Variants in FER observed in about 807,000 individuals in gnomAD.
FER encodes the protein tyrosine-protein kinase Fer.
A neutral mutation model predicts 111.0 loss-of-function variants in FER; 63 were observed. That is an observed-to-expected ratio of 0.57 (90% confidence interval 0.46 to 0.70). The LOEUF (loss-of-function observed/expected upper bound fraction) is 0.70. Among genes scored for constraint, FER ranks in the 30% least tolerant of loss-of-function variants. The pLI, the probability that FER is intolerant of heterozygous loss-of-function variation, is 0.00. For synonymous variants in FER, 327 were observed against 313.9 expected, an observed-to-expected ratio of 1.04 and a Z score of -0.44; for missense variants, 914 against 954.0, an observed-to-expected ratio of 0.96 and a Z score of 0.55.
chr5:109,107,432 G>T (rs187615606), intron 17 of FER, among the ~76,000 whole-genome samples: 2 of 152,048 alleles, frequency 1.3e-5, no homozygotes, highest in East Asian at 1.9e-4. Context: ...CATTATCCAC[G>T]TATTAAGCCT....
intron 17 of FER, among the ~76,000 whole-genome samples, chr5:109,131,774 A>G (rs1011319997): frequency 6.6e-6 from 1 of 152,106 alleles, no homozygotes; most frequent in Non-Finnish European, 1.5e-5. Flanking sequence ...AAAATAATCC[A>G]TATTTGTTTT....
chr5:109,062,291 G>A (rs1445889418), intron 16 of FER, among the ~76,000 whole-genome samples: 6 of 152,118 alleles, frequency 3.9e-5, no homozygotes, highest in Admixed American at 1.3e-4. Context: ...GGGCAGCCAA[G>A]GTGGGGTCGA....
At position 108,879,701 on chromosome 5, in the gene FER, A is replaced by ATATATATAT. The variant is rs1554084619; in HGVS notation, c.924-3695_924-3694insTATATATAT. Among the ~76,000 whole-genome samples, 399 of 99,050 alleles carry ATATATATAT rather than the reference A, an allele frequency of 4.0e-3. 4 individuals carry two copies. Among genetic ancestry groups the ATATATATAT allele is most frequent in the African/African-American group, 5.6e-3 (117 of 20,876 alleles). The allele number at this position is 99,050 out of a possible 152,430, so 65.0% of individuals were successfully genotyped here. The stretch of plus-strand genomic sequence containing the variant: ...ATGTATTTTTTTTAGATTAAAAAAA[A>ATATATATAT]ATATATATATATATATATATATATT... On this transcript the variant is annotated intron_variant, in intron 8 of 19. Coordinates refer to ENST00000281092, the MANE Select transcript of FER (RefSeq NM_005246.4).
At chr5:109,043,149 C>G (rs983873023) in intron 14 of FER, among the ~76,000 whole-genome samples, 1 of 151,696 alleles carries the variant, frequency 6.6e-6, no homozygotes, top group Non-Finnish European at 1.5e-5. Flanking sequence ...TTCTAGTAAC[C>G]GAAAAAAGTA....
intron 2 of FER, among the ~76,000 whole-genome samples, chr5:108,770,832 A>G (rs1342860988): frequency 6.6e-6 from 1 of 152,166 alleles, no homozygotes; most frequent in Non-Finnish European, 1.5e-5. Context: ...CTTAGGATTG[A>G]TATTTCAGGT....
intron 13 of FER, among the ~76,000 whole-genome samples, chr5:109,026,915 G>C (rs983463114): frequency 5.9e-5 from 9 of 152,068 alleles, no homozygotes; most frequent in Non-Finnish European, 1.3e-4. Context: ...TCCTGACCTT[G>C]TGAACTGCCC....
At chr5:108,771,189 C>T (rs1752860480) in intron 2 of FER, among the ~76,000 whole-genome samples, 1 of 152,160 alleles carries the variant, frequency 6.6e-6, no homozygotes, top group African/African-American at 2.4e-5. Context: ...CTGCCTCGGC[C>T]TCCCAAAGTG....
chr5:109,062,612 G>A (rs1178892416), intron 16 of FER, among the ~76,000 whole-genome samples: 2 of 152,016 alleles, frequency 1.3e-5, no homozygotes, highest in African/African-American at 4.8e-5. Context: ...TTTCATATAT[G>A]TGATTAAATT....
At chr5:109,058,140 CAAAATCCAGCACCCTTTCCTGATTTAAT>C (rs1561838999) in intron 16 of FER, among the ~76,000 whole-genome samples, 1 of 151,938 alleles carries the variant, frequency 6.6e-6, no homozygotes, top group East Asian at 1.9e-4. Context: ...AAACATTTGG[CAAAATCCAGCACCCTTTCCTGATTTAAT>C]AAAATTCTCT....
At chr5:109,011,477 T>C (rs1766260779) in intron 13 of FER, among the ~76,000 whole-genome samples, 1 of 152,232 alleles carries the variant, frequency 6.6e-6, no homozygotes, top group Admixed American at 6.5e-5. Flanking sequence ...ACCTCACCTC[T>C]TTTTTAAATT....
chr5:108,791,257 T>G (rs1561424332), intron 2 of FER, among the ~76,000 whole-genome samples: 1 of 152,132 alleles, frequency 6.6e-6, no homozygotes, highest in Non-Finnish European at 1.5e-5. Context: ...ATTTAATGTT[T>G]CAGCTAGCAA....
chr5:109,080,278 C>T (rs967202176), intron 16 of FER, among the ~76,000 whole-genome samples: 1 of 151,976 alleles, frequency 6.6e-6, no homozygotes, highest in East Asian at 1.9e-4. Flanking sequence ...ATTTTAATTG[C>T]TTATTTGCAC....
chr5:108,910,372 C>T (rs1004640144), intron 10 of FER, among the ~76,000 whole-genome samples: 3 of 152,130 alleles, frequency 2.0e-5, no homozygotes, highest in Admixed American at 6.6e-5. Flanking sequence ...AGAATGGGTA[C>T]AGTGGCTTTT....
chr5:108,971,091 T>C (rs1452317226), intron 13 of FER, among the ~76,000 whole-genome samples: 1 of 151,858 alleles, frequency 6.6e-6, no homozygotes, highest in African/African-American at 2.4e-5. Flanking sequence ...ATTGGCACAC[T>C]TAACAGAAAA....
chr5:108,866,402 A>G (rs955897601), intron 5 of FER, among the ~76,000 whole-genome samples: 5 of 152,170 alleles, frequency 3.3e-5, no homozygotes, highest in African/African-American at 1.2e-4. Flanking sequence ...ACATGGACAC[A>G]GGAAGGGGAA....
At chr5:109,119,106 G>A (rs1424197293) in intron 17 of FER, among the ~76,000 whole-genome samples, 1 of 152,080 alleles carries the variant, frequency 6.6e-6, no homozygotes, top group Non-Finnish European at 1.5e-5. Context: ...ATGTTAGGGT[G>A]TCAATTTTAG....
chr5:109,119,392 G>A (rs1160703405), intron 17 of FER, among the ~76,000 whole-genome samples: 3 of 152,278 alleles, frequency 2.0e-5, no homozygotes, highest in Middle Eastern at 3.4e-3. Flanking sequence ...TGTAATTTCT[G>A]TTCTTTTACA....
At chr5:108,887,334 G>A (rs969923160) in intron 9 of FER, among the ~76,000 whole-genome samples, 1 of 151,454 alleles carries the variant, frequency 6.6e-6, no homozygotes, top group Non-Finnish European at 1.5e-5. Context: ...TAATGACAGT[G>A]AAAAAATAAA....
intron 17 of FER, among the ~76,000 whole-genome samples, chr5:109,165,005 T>A (rs1413300692): frequency 6.6e-6 from 1 of 152,150 alleles, no homozygotes; most frequent in African/African-American, 2.4e-5. Flanking sequence ...AAGGAATAGA[T>A]CCTTGAGTAA....
Sources: gnomAD v4.1 joint callset for allele counts (sites outside exome capture counted in the v4.1 genomes callset) on GRCh38, gnomAD v4.1.1 for gene constraint, MANE v1.5 for transcripts, NCBI Gene and HGNC (gene_info 2026-07-23, HGNC 2026-07-21) for gene names.